Variants in SGCZ observed in about 807,000 individuals in gnomAD.
SGCZ encodes the protein zeta-sarcoglycan.
In SGCZ, 40 loss-of-function variants were observed where a neutral mutation model predicts 41.3. The observed-to-expected ratio is 0.97, with a 90% CI of 0.75 to 1.26. The LOEUF (loss-of-function observed/expected upper bound fraction) is 1.26, where lower values mean the gene tolerates loss of function less well. Among genes scored for constraint, SGCZ ranks in the 50% most tolerant of loss-of-function variants. The pLI, the probability that SGCZ is intolerant of heterozygous loss-of-function variation, is 0.00. For missense variants in SGCZ, 552 were observed against 369.8 expected (o/e 1.49, Z -4.04); for synonymous variants, 206 against 137.5 (o/e 1.50, Z -3.49).
At chr8:14,549,988 A>G (rs1189156064) in intron 2 of SGCZ, among the ~76,000 whole-genome samples, 2 of 151,918 alleles carry the variant, frequency 1.3e-5, no homozygotes, top group Non-Finnish European at 2.9e-5. Flanking sequence ...CACACTGGGG[A>G]AAAAAAGGTG....
chr8:14,317,065 AT>A, intron 3 of SGCZ, among the ~76,000 whole-genome samples: 1 of 152,108 alleles, frequency 6.6e-6, no homozygotes, highest in East Asian at 1.9e-4. Flanking sequence ...CCATATGCAA[AT>A]TTGCCATCAA....
At chr8:14,327,384 G>A (rs1802159516) in intron 2 of SGCZ, among the ~76,000 whole-genome samples, 1 of 152,112 alleles carries the variant, frequency 6.6e-6, no homozygotes, top group African/African-American at 2.4e-5. Flanking sequence ...GGAATTTTCT[G>A]GACTAAATTT....
intron 3 of SGCZ, among the ~76,000 whole-genome samples, chr8:14,252,797 C>T (rs2117210846): frequency 6.6e-6 from 1 of 152,260 alleles, no homozygotes; most frequent in South Asian, 2.1e-4. Flanking sequence ...CAGGCAGTGC[C>T]AGTTGTCTCT....
At chr8:14,926,869 G>C (rs1043377888) in intron 1 of SGCZ, among the ~76,000 whole-genome samples, 22 of 151,996 alleles carry the variant, frequency 1.4e-4, no homozygotes, top group African/African-American at 5.3e-4. Context: ...GTGATCTCCT[G>C]ACCTCGTGAT....
At chr8:15,071,242 C>T (rs539061717) in intron 1 of SGCZ, among the ~76,000 whole-genome samples, 2 of 152,222 alleles carry the variant, frequency 1.3e-5, no homozygotes, top group South Asian at 4.1e-4. Flanking sequence ...ATGAAAAGAG[C>T]ATATTCCTCC....
At chr8:14,159,018 C>G (rs1324560734) in intron 5 of SGCZ, among the ~76,000 whole-genome samples, 1 of 152,176 alleles carries the variant, frequency 6.6e-6, no homozygotes, top group African/African-American at 2.4e-5. Context: ...ATCTGCCCTC[C>G]TTGGCCTCCC....
chr8:14,274,366 A>G (rs183080259), intron 3 of SGCZ, among the ~76,000 whole-genome samples: 3 of 152,290 alleles, frequency 2.0e-5, no homozygotes, highest in Non-Finnish European at 4.4e-5. Context: ...TTAAGGAGAC[A>G]GTTGGTCCAT....
chr8:14,586,388 G>T (rs1392236798), intron 1 of SGCZ, among the ~76,000 whole-genome samples: 1 of 151,870 alleles, frequency 6.6e-6, no homozygotes, highest in Non-Finnish European at 1.5e-5. Flanking sequence ...TAATTTTTGT[G>T]TTTTTAATAG....
intron 1 of SGCZ, among the ~76,000 whole-genome samples, chr8:15,193,213 T>G (rs1027196609): frequency 1.3e-5 from 2 of 152,080 alleles, no homozygotes. Flanking sequence ...ACGATGATAA[T>G]AGCATTCACC....
intron 1 of SGCZ, among the ~76,000 whole-genome samples, chr8:14,996,589 T>C (rs1428588747): frequency 3.3e-5 from 5 of 152,236 alleles, no homozygotes; most frequent in African/African-American, 7.2e-5. Flanking sequence ...CTAATTGTCA[T>C]TGAGGAAGTC....
At chr8:14,391,304 C>CT (rs1164027042) in intron 2 of SGCZ, among the ~76,000 whole-genome samples, 1 of 151,224 alleles carries the variant, frequency 6.6e-6, no homozygotes, top group Non-Finnish European at 1.5e-5. Context: ...TTTTTTCCTT[C>CT]TTATAAAAGT....
At chr8:14,104,782 T>G (rs1802150272) in intron 6 of SGCZ, among the ~76,000 whole-genome samples, 1 of 152,116 alleles carries the variant, frequency 6.6e-6, no homozygotes. Context: ...TTTCTAGAGA[T>G]TAACTTGGAG....
chr8:14,114,210 A>G (rs1383929141), intron 5 of SGCZ, among the ~76,000 whole-genome samples: 1 of 152,052 alleles, frequency 6.6e-6, no homozygotes, highest in African/African-American at 2.4e-5. Context: ...TGAATAAAAT[A>G]ATTAACAAAA....
intron 3 of SGCZ, among the ~76,000 whole-genome samples, chr8:14,308,266 G>T (rs1052975069): frequency 6.6e-6 from 1 of 151,958 alleles, no homozygotes; most frequent in East Asian, 1.9e-4. Flanking sequence ...TAATGAAAGC[G>T]CACGGAAAGG....
chr8:14,877,710 A>G (rs924196197), intron 1 of SGCZ, among the ~76,000 whole-genome samples: 3 of 152,148 alleles, frequency 2.0e-5, no homozygotes, highest in Non-Finnish European at 4.4e-5. Context: ...TATCCATCCA[A>G]GTTTTTAAAA....
At chr8:15,149,872 G>C (rs1480726281) in intron 1 of SGCZ, among the ~76,000 whole-genome samples, 20 of 152,186 alleles carry the variant, frequency 1.3e-4, no homozygotes, top group Non-Finnish European at 1.5e-5. Context: ...GTTGATAATA[G>C]AGAATAACTA....
chr8:14,410,707 C>T lies in SGCZ; in HGVS notation c.235-86503G>A, dbSNP rs74614489. Reference sequence around the variant, plus strand: ...TGGGTTGATAGCTGCAGCAAACCCCCATGGCACATGTATGCCTGTGTAATA... The same window carrying T: ...TGGGTTGATAGCTGCAGCAAACCCCTATGGCACATGTATGCCTGTGTAATA... On this transcript the variant is annotated intron_variant, in intron 2 of 7. Coordinates refer to ENST00000382080, the MANE Select transcript of SGCZ (RefSeq NM_139167.4). Among the ~76,000 whole-genome samples, 1,292 of 152,160 alleles carry T rather than the reference C, an allele frequency of 8.5e-3. 9 individuals carry two copies. The highest frequency in any genetic ancestry group is 0.013 in the Non-Finnish European group (894 of 68,016).
At chr8:15,122,038 T>C (rs1807501440) in intron 1 of SGCZ, among the ~76,000 whole-genome samples, 1 of 151,600 alleles carries the variant, frequency 6.6e-6, no homozygotes, top group Non-Finnish European at 1.5e-5. Flanking sequence ...TATATAAAAA[T>C]AGACAATGAC....
At chr8:14,535,860 A>C (rs138747823) in intron 2 of SGCZ, among the ~76,000 whole-genome samples, 1,579 of 151,984 alleles carry the variant, frequency 0.01, 22 homozygotes, top group African/African-American at 0.036. Context: ...AGTAATATTA[A>C]AAACCATGAC....
Sources: gnomAD v4.1 joint callset for allele counts (sites outside exome capture counted in the v4.1 genomes callset) on GRCh38, gnomAD v4.1.1 for gene constraint, MANE v1.5 for transcripts, NCBI Gene and HGNC (gene_info 2026-07-23, HGNC 2026-07-21) for gene names.